PVT1: variants seen among roughly 807,000 people sequenced by gnomAD.
The protein encoded by PVT1 is Pvt1 oncogene, also known as CXCR4/PVT1 fusion.
chr8:127,997,964 C>T (rs1318541970), intron 4 of PVT1, among the ~76,000 whole-genome samples: 4 of 152,136 alleles, frequency 2.6e-5, no homozygotes, highest in Non-Finnish European at 5.9e-5. Flanking sequence ...TTTCATAGAA[C>T]GTACCTCTGT....
intron 3 of PVT1, among the ~76,000 whole-genome samples, chr8:127,910,180 C>T (rs978727695): frequency 2.0e-5 from 3 of 152,004 alleles, no homozygotes; most frequent in Non-Finnish European, 2.9e-5. Flanking sequence ...CCATCATGGA[C>T]GTGGGTCTCT....
chr8:128,016,545 G>C (rs1382572098), intron 4 of PVT1, among the ~76,000 whole-genome samples: 2 of 152,166 alleles, frequency 1.3e-5, no homozygotes, highest in African/African-American at 4.8e-5. Context: ...GAATGGAATG[G>C]CTAATGCTTA....
chr8:127,907,891 T>C (rs1815842441), intron 3 of PVT1, among the ~76,000 whole-genome samples: 3 of 152,128 alleles, frequency 2.0e-5, no homozygotes, highest in Non-Finnish European at 2.9e-5. Flanking sequence ...AAGAAAGTGC[T>C]GCAGAAAGGA....
chr8:127,824,813 A>G (rs1237070974), intron 2 of PVT1, among the ~76,000 whole-genome samples: 3 of 152,094 alleles, frequency 2.0e-5, no homozygotes, highest in Non-Finnish European at 4.4e-5. Context: ...TATCTGCACT[A>G]TTAGGTATTA....
At chr8:127,822,116 A>G (rs964656783) in intron 2 of PVT1, among the ~76,000 whole-genome samples, 1 of 152,242 alleles carries the variant, frequency 6.6e-6, no homozygotes, top group Non-Finnish European at 1.5e-5. Flanking sequence ...TAAGGATTAA[A>G]TGAATTAGTG....
chr8:127,852,100 G>A (rs1815113090), intron 2 of PVT1: 1 of 152,214 alleles, frequency 6.6e-6, no homozygotes, highest in Admixed American at 6.5e-5. Context: ...TTGGGGAGCT[G>A]CCTCGATTTC....
At chr8:128,055,047 A>G (rs767825431) in intron 4 of PVT1, among the ~76,000 whole-genome samples, 4 of 152,178 alleles carry the variant, frequency 2.6e-5, no homozygotes, top group African/African-American at 4.8e-5. Flanking sequence ...CTACAACATC[A>G]AGGCTTCTCT....
intron 4 of PVT1, among the ~76,000 whole-genome samples, chr8:128,034,501 C>T (rs937509993): frequency 2.6e-5 from 4 of 152,324 alleles, no homozygotes; most frequent in African/African-American, 9.6e-5. Context: ...TCTTGGTGTG[C>T]GTGTCAACTG....
intron 4 of PVT1, among the ~76,000 whole-genome samples, chr8:128,021,425 C>G (rs1210570747): frequency 6.6e-6 from 1 of 151,266 alleles, no homozygotes; most frequent in Non-Finnish European, 1.5e-5. Context: ...TCCCGAGTAG[C>G]TGGGACCACA....
At chr8:128,014,764 A>C (rs938929378) in intron 4 of PVT1, among the ~76,000 whole-genome samples, 2 of 152,206 alleles carry the variant, frequency 1.3e-5, no homozygotes, top group African/African-American at 2.4e-5. Flanking sequence ...ACTGAACCTG[A>C]CTAAGAAAAG....
At chr8:127,903,075 T>C (rs1815778403) in intron 3 of PVT1, among the ~76,000 whole-genome samples, 1 of 152,228 alleles carries the variant, frequency 6.6e-6, no homozygotes, top group African/African-American at 2.4e-5. Context: ...TGTCTCCTTT[T>C]CTACACAGGC....
chr8:127,836,365 C>T (rs1049142044), intron 2 of PVT1, among the ~76,000 whole-genome samples: 10 of 152,086 alleles, frequency 6.6e-5, no homozygotes, highest in African/African-American at 9.7e-5. Flanking sequence ...CATAGGTAAA[C>T]GTGTGCCATG....
At chr8:127,996,063 G>T (rs2130007107) in intron 4 of PVT1, among the ~76,000 whole-genome samples, 1 of 152,110 alleles carries the variant, frequency 6.6e-6, no homozygotes, top group East Asian at 1.9e-4. Context: ...CTCCCTCAAG[G>T]ACCTCTGAGC....
In PVT1 at chr8:127,915,612, C is replaced by CAAA. The variant is rs61238663; in HGVS notation, n.782+24635_782+24637dup. 3.5e-3 allele frequency among the ~76,000 whole-genome samples: 223 copies of CAAA among 63,730 alleles called. 2 individuals are homozygous for CAAA. Among genetic ancestry groups the CAAA allele is most frequent in the African/African-American group, 6.2e-3 (113 of 18,238 alleles). 41.8% of individuals were successfully genotyped at this position (63,730 alleles called of 152,430 possible). ...GGGCAACAAGAGCGAAACTCCATCT[C>CAAA]AAAAAAAAAAAAAAAAAAAAAAAGA... On this transcript the variant is annotated intron_variant and non_coding_transcript_variant, in intron 3 of 10. Transcript: ENST00000651587.
rs776885058 is a variant in PVT1 at position 127,982,418 on chromosome 8, G to A, written n.783-6744G>A. On this transcript the variant is annotated intron_variant and non_coding_transcript_variant, in intron 3 of 10. Coordinates refer to ENST00000651587, the Ensembl canonical transcript of PVT1. Reference sequence around the variant, plus strand: ...GCATAGTGAGCAACAGCTGTGTGCCGGGGACTCAGCATTAAGTAGCATGGG... The same window carrying A: ...GCATAGTGAGCAACAGCTGTGTGCCAGGGACTCAGCATTAAGTAGCATGGG... Among the ~76,000 whole-genome samples the A allele has an allele frequency of 7.9e-5, 12 of 152,176 alleles. 1 individual carries two copies. Among genetic ancestry groups the A allele is most frequent in the East Asian group, 7.7e-4 (4 of 5,182 alleles).
exon 3 of PVT1, chr8:127,890,959 A>C (rs1280654457): frequency 6.6e-6 from 1 of 152,366 alleles, no homozygotes; most frequent in Non-Finnish European, 1.5e-5. Context: ...CTGGTGAAGC[A>C]TCTGATGCAC....
At chr8:128,057,350 T>C (rs1025061056) in intron 4 of PVT1, among the ~76,000 whole-genome samples, 28 of 152,210 alleles carry the variant, frequency 1.8e-4, no homozygotes, top group African/African-American at 6.5e-4. Context: ...CAAACCCTTA[T>C]GACCTAACCG....
intron 2 of PVT1, among the ~76,000 whole-genome samples, chr8:127,804,944 T>TTTTTG (rs1246062248): frequency 2.7e-5 from 4 of 150,038 alleles, no homozygotes; most frequent in Non-Finnish European, 5.9e-5. Flanking sequence ...TTTTTTTTTT[T>TTTTTG]TTTGAGACGG....
At chr8:127,913,025 T>G (rs1815926417) in intron 3 of PVT1, among the ~76,000 whole-genome samples, 1 of 151,690 alleles carries the variant, frequency 6.6e-6, no homozygotes, top group South Asian at 2.1e-4. Context: ...TGTTTTTTTC[T>G]TTTTAGTAGA....
Sources: gnomAD v4.1 joint callset for allele counts (sites outside exome capture counted in the v4.1 genomes callset) on GRCh38, gnomAD v4.1.1 for gene constraint, MANE v1.5 for transcripts, NCBI Gene and HGNC (gene_info 2026-07-23, HGNC 2026-07-21) for gene names.